PLPPR1: variants seen among roughly 807,000 people sequenced by gnomAD.
PLPPR1 encodes phospholipid phosphatase-related protein type 1.
PLPPR1 carries 10 observed loss-of-function variants against 33.1 expected under a neutral mutation model. The observed-to-expected ratio is 0.30, with a 90% CI of 0.19 to 0.51. The LOEUF is 0.51. Ranked by LOEUF, PLPPR1 falls within the 20% of genes least tolerant of loss-of-function variation. The probability of loss-of-function intolerance (pLI) is 0.97; values close to 1 mark genes in which losing one functional copy is unlikely to be tolerated. For synonymous variants in PLPPR1, 151 were observed against 151.0 expected (o/e 1.00, Z 0.00); for missense variants, 304 against 408.1 (o/e 0.74, Z 2.20).
At chr9:101,292,054 A>C (rs1376083372) in intron 4 of PLPPR1, among the ~76,000 whole-genome samples, 7 of 152,150 alleles carry the variant, frequency 4.6e-5, no homozygotes, top group Non-Finnish European at 8.8e-5. Context: ...AAAAATGTAG[A>C]CGAATATATA....
intron 1 of PLPPR1, among the ~76,000 whole-genome samples, chr9:101,063,463 A>G (rs1422718366): frequency 1.3e-5 from 2 of 152,102 alleles, no homozygotes; most frequent in Non-Finnish European, 2.9e-5. Context: ...CAGTCACATA[A>G]CTATGCTTAC....
intron 3 of PLPPR1, among the ~76,000 whole-genome samples, chr9:101,283,158 A>T (rs1248094589): frequency 6.6e-6 from 1 of 152,180 alleles, no homozygotes. Flanking sequence ...TTTTCACAGG[A>T]TAGAAAAAAC....
Position 101,312,829 on chromosome 9 carries a change from G to A in PLPPR1, c.668G>A (p.Ser223Asn), listed in dbSNP as rs147722670. 2 of 1,614,194 alleles carry A rather than the reference G, an allele frequency of 1.2e-6. No individual in the cohort carries two copies. Among genetic ancestry groups the A allele is most frequent in the Non-Finnish European group, 1.7e-6 (2 of 1,180,038 alleles). The change falls in exon 6 of 8, where the codon AGC becomes AAC. Residue 223 changes from serine to asparagine, a missense_variant. Transcript: ENST00000374874. ...MYITSTIKTK[S>N]SRLAKPVLCL... ...ATTACAAGCACAATCAAGACGAAGA[G>A]CAGTCGACTGGCCAAGCCGGTGCTG...
At chr9:101,230,235 C>T (rs144080856) in intron 2 of PLPPR1, among the ~76,000 whole-genome samples, 185 of 152,154 alleles carry the variant, frequency 1.2e-3, no homozygotes, top group African/African-American at 3.6e-3. Context: ...TTAAGGATAT[C>T]GATGCAGAGT....
chr9:101,290,929 G>A (rs1051405200), intron 4 of PLPPR1, among the ~76,000 whole-genome samples: 15 of 152,196 alleles, frequency 9.9e-5, no homozygotes, highest in African/African-American at 1.4e-4. Context: ...GCCAGACAGT[G>A]GGCGCAGGAC....
At chr9:101,277,383 G>T (rs911589122) in intron 3 of PLPPR1, among the ~76,000 whole-genome samples, 1 of 152,188 alleles carries the variant, frequency 6.6e-6, no homozygotes, top group African/African-American at 2.4e-5. Context: ...CAAATGTGAT[G>T]ACTTGGGGTA....
chr9:101,270,448 G>A (rs941808132), intron 3 of PLPPR1, among the ~76,000 whole-genome samples: 9 of 152,300 alleles, frequency 5.9e-5, no homozygotes, highest in South Asian at 4.1e-4. Flanking sequence ...CTGATATAAT[G>A]GCTGAGATTA....
At chr9:101,298,463 G>A (rs189362190) in intron 4 of PLPPR1, among the ~76,000 whole-genome samples, 37 of 152,266 alleles carry the variant, frequency 2.4e-4, no homozygotes, top group African/African-American at 8.7e-4. Flanking sequence ...GCGTTTTATG[G>A]TTTTAAGAAT....
intron 1 of PLPPR1, among the ~76,000 whole-genome samples, chr9:101,051,450 T>G (rs751101536): frequency 2.0e-5 from 3 of 152,126 alleles, no homozygotes; most frequent in Non-Finnish European, 4.4e-5. Flanking sequence ...CCTCACCTTA[T>G]TTTCTACTTG....
intron 2 of PLPPR1, among the ~76,000 whole-genome samples, chr9:101,224,008 A>G (rs1827008320): frequency 6.6e-6 from 1 of 152,272 alleles, no homozygotes; most frequent in South Asian, 2.1e-4. Context: ...GTTTCAATTA[A>G]TGATGTATTA....
At chr9:101,175,157 A>G (rs1270053307) in intron 1 of PLPPR1, among the ~76,000 whole-genome samples, 5 of 152,076 alleles carry the variant, frequency 3.3e-5, no homozygotes, top group Non-Finnish European at 1.5e-5. Context: ...CTCATGTCTG[A>G]TAGGGGAACA....
At chr9:101,209,991 G>A (rs1375214112) in intron 2 of PLPPR1, among the ~76,000 whole-genome samples, 1 of 152,114 alleles carries the variant, frequency 6.6e-6, no homozygotes, top group African/African-American at 2.4e-5. Flanking sequence ...CATACTTCCT[G>A]GAAGTATATG....
intron 1 of PLPPR1, among the ~76,000 whole-genome samples, chr9:101,154,846 C>T (rs534377122): frequency 6.6e-6 from 1 of 151,582 alleles, no homozygotes; most frequent in South Asian, 2.1e-4. Context: ...TCATTCTCAG[C>T]AAACTATCGC....
At chr9:101,030,088 C>A (rs117511448) in intron 1 of PLPPR1, among the ~76,000 whole-genome samples, 1 of 151,892 alleles carries the variant, frequency 6.6e-6, no homozygotes, top group Non-Finnish European at 1.5e-5. Flanking sequence ...CTCTTCGGCC[C>A]GACGGAAAAG....
At chr9:101,178,449 G>A (rs964758507) in intron 1 of PLPPR1, among the ~76,000 whole-genome samples, 4 of 152,190 alleles carry the variant, frequency 2.6e-5, no homozygotes, top group African/African-American at 9.6e-5. Context: ...CCAGATATGG[G>A]TTTGCCTATC....
At chr9:101,181,638 G>A (rs1195234577) in intron 1 of PLPPR1, among the ~76,000 whole-genome samples, 1 of 149,014 alleles carries the variant, frequency 6.7e-6, no homozygotes, top group Non-Finnish European at 1.5e-5. Context: ...GTGTGTATGT[G>A]TATGTATATA....
At chr9:101,253,565 A>AGCAT (rs1827747950) in intron 2 of PLPPR1, among the ~76,000 whole-genome samples, 1 of 152,052 alleles carries the variant, frequency 6.6e-6, no homozygotes, top group Admixed American at 6.6e-5. Context: ...AAAATGCATT[A>AGCAT]GCATGCAGCA....
In PLPPR1 at chr9:101,272,176, T is replaced by A. The variant is rs527481414; in HGVS notation, c.252+2108T>A. On this transcript the variant is annotated intron_variant, in intron 3 of 7. Coordinates refer to ENST00000374874, the MANE Select transcript of PLPPR1 (RefSeq NM_207299.2). Reference sequence around the variant, plus strand: ...TAGTGATGCCTTATATCAAATTTTTTAAAAGATGTAGCAAAGCTGAATATA... The same window carrying A: ...TAGTGATGCCTTATATCAAATTTTTAAAAAGATGTAGCAAAGCTGAATATA... Among the ~76,000 whole-genome samples the A allele has an allele frequency of 4.6e-5, 7 of 152,284 alleles. No individual in the cohort carries two copies. The South Asian group carries it at 1.4e-3, about 32-fold the overall frequency.
At chr9:101,080,964 A>G (rs1484387058) in intron 1 of PLPPR1, among the ~76,000 whole-genome samples, 1 of 152,112 alleles carries the variant, frequency 6.6e-6, no homozygotes, top group East Asian at 1.9e-4. Flanking sequence ...GGTGCCATTG[A>G]TTCCGGAGCC....
Sources: allele counts gnomAD v4.1 joint callset (sites outside exome capture counted in the v4.1 genomes callset), GRCh38; gene constraint gnomAD v4.1.1; transcripts MANE v1.5; gene names NCBI Gene and HGNC (gene_info 2026-07-23, HGNC 2026-07-21).